Variants in SEPTIN9 observed in about 807,000 individuals in gnomAD.
SEPTIN9 encodes the protein septin-9.
SEPTIN9 carries 13 observed loss-of-function variants against 56.6 expected under a neutral mutation model. The ratio of observed to expected loss-of-function variants is 0.23; its 90% CI spans 0.15 to 0.37. The LOEUF is 0.37. SEPTIN9 is among the 10% of genes least tolerant of loss of function. The pLI is 1.00. For synonymous variants in SEPTIN9, 332 were observed against 334.1 expected (o/e 0.99, Z 0.07); for missense variants, 650 against 823.1 (o/e 0.79, Z 2.57).
rs185069397 is a variant in SEPTIN9, at chr17:77,325,544, T to C, written c.76+18347T>C. 2.4e-3 allele frequency among the ~76,000 whole-genome samples: 358 copies of C among 152,212 alleles called. 1 individual carries two copies. The highest frequency in any genetic ancestry group is 4.4e-3 in the Non-Finnish European group (298 of 67,994). On this transcript the variant is annotated intron_variant, in intron 2 of 11. Coordinates refer to ENST00000427177, the MANE Select transcript of SEPTIN9 (RefSeq NM_001113491.2). ...GAAAGCCTGGGCCGTCTTTCTAGGC[T>C]GATGGCAGGGCCAGCCCGGGGCGTC...
intron 2 of SEPTIN9, 61 bp from the exon 3 acceptor site, chr17:77,401,998 C>T: frequency 1.9e-6 from 3 of 1,546,174 alleles, no homozygotes; most frequent in East Asian, 2.3e-5. Context: ...TAGCAGGAAA[C>T]ATGCCGGAGT....
At chr17:77,365,316 C>T (rs1180761454) in intron 2 of SEPTIN9, among the ~76,000 whole-genome samples, 1 of 152,048 alleles carries the variant, frequency 6.6e-6, no homozygotes, top group Non-Finnish European at 1.5e-5. Context: ...ACCTCTTTCT[C>T]TCTCTTTCTC....
intron 3 of SEPTIN9, among the ~76,000 whole-genome samples, chr17:77,409,658 C>T (rs1481663063): frequency 6.6e-6 from 1 of 152,164 alleles, no homozygotes; most frequent in African/African-American, 2.4e-5. Flanking sequence ...CAGCACTTGT[C>T]CCAGGAAGTC....
At chr17:77,404,929 A>G (rs894945651) in intron 3 of SEPTIN9, 1 of 664,042 alleles carries the variant, frequency 1.5e-6, no homozygotes, top group East Asian at 2.8e-5. Context: ...GGCAGTTTGC[A>G]GAGTGGCAGG....
intron 3 of SEPTIN9, among the ~76,000 whole-genome samples, chr17:77,461,616 C>T (rs952435651): frequency 1.3e-5 from 2 of 152,234 alleles, no homozygotes; most frequent in African/African-American, 2.4e-5. Flanking sequence ...CATACTGTGA[C>T]GTTGACCTTT....
chr17:77,475,176 G>A lies in SEPTIN9; in HGVS notation c.722-6968G>A. The A allele has an allele frequency of 1.5e-5, 17 of 1,152,094 alleles. No homozygotes were observed. The highest frequency in any genetic ancestry group is 1.6e-5 in the Non-Finnish European group (15 of 924,632). The allele number at this position is 1,152,094 out of a possible 1,614,324, so 71.4% of individuals were successfully genotyped here. A position where few individuals can be genotyped will look rare whatever the true frequency, so the allele number is the denominator to read the frequency against. ...GGGCTGGGGTGAGCGTGATGGATGA[G>A]GTGTCTGGCTTCACAAACCCTGTGT... On this transcript the variant is annotated intron_variant, in intron 3 of 11. Coordinates refer to ENST00000427177, the MANE Select transcript of SEPTIN9 (RefSeq NM_001113491.2). The surrounding 1 kb of genome is among the most constrained non-coding windows in gnomAD (Gnocchi z 4.6).
At chr17:77,441,246 C>T (rs12451354) in intron 3 of SEPTIN9, among the ~76,000 whole-genome samples, 4,708 of 152,260 alleles carry the variant, frequency 0.031, 120 homozygotes, top group Non-Finnish European at 0.049. Context: ...GAACCCCCAC[C>T]CCGGCCTGCT....
At chr17:77,293,071 C>T (rs1050306291) in intron 1 of SEPTIN9, among the ~76,000 whole-genome samples, 4 of 151,986 alleles carry the variant, frequency 2.6e-5, no homozygotes, top group African/African-American at 9.7e-5. Context: ...AGCTGAAGTG[C>T]AGTGGTGTGA....
chr17:77,424,587 C>T (rs756564282), intron 3 of SEPTIN9, among the ~76,000 whole-genome samples: 1 of 152,234 alleles, frequency 6.6e-6, no homozygotes, highest in Non-Finnish European at 1.5e-5. Flanking sequence ...CTCCAGGACT[C>T]TGTTCCTGTG....
Position 77,429,555 on chromosome 17 carries a change from C to A in SEPTIN9, c.721+26852C>A, listed in dbSNP as rs571562801. ...TGGTTCCTGTTTTCTGGGCTTTGAT[C>A]GAAAGGGAACAGGGGACACATCTGG... On this transcript the variant is annotated intron_variant, in intron 3 of 11. Coordinates refer to ENST00000427177, the MANE Select transcript of SEPTIN9 (RefSeq NM_001113491.2). This position sits in a 1 kb window ranked among gnomAD's most constrained non-coding sequence, Gnocchi z 5.2. 1.3e-5 allele frequency among the ~76,000 whole-genome samples: 2 copies of A among 152,106 alleles called. No homozygotes were observed. The highest frequency in any genetic ancestry group is 2.9e-5 in the Non-Finnish European group (2 of 68,028).
At chr17:77,488,399 G>A (rs1221353626) in intron 6 of SEPTIN9, 78 bp downstream of exon 6, 1 of 1,388,092 alleles carries the variant, frequency 7.2e-7, no homozygotes, top group Non-Finnish European at 1.0e-6. Context: ...AGCCCTAGAG[G>A]TTTCCCGGCC....
intron 4 of SEPTIN9, chr17:77,482,760 T>C: frequency 1.7e-6 from 1 of 577,654 alleles, no homozygotes. Flanking sequence ...CAGCTTCAGC[T>C]CTGCCCTGGA....
chr17:77,342,661 T>C (rs2033770303), intron 2 of SEPTIN9, among the ~76,000 whole-genome samples: 1 of 152,088 alleles, frequency 6.6e-6, no homozygotes, highest in African/African-American at 2.4e-5. Flanking sequence ...AGGGGTGACA[T>C]TGTGATATAA....
chr17:77,459,988 A>C (rs763884403), intron 3 of SEPTIN9, among the ~76,000 whole-genome samples: 4 of 151,986 alleles, frequency 2.6e-5, no homozygotes, highest in Non-Finnish European at 5.9e-5. Flanking sequence ...CCCAGACTCT[A>C]TAGCAATCAG....
chr17:77,432,239 G>A (rs143341689), intron 3 of SEPTIN9, among the ~76,000 whole-genome samples: 117 of 152,274 alleles, frequency 7.7e-4, no homozygotes, highest in Non-Finnish European at 1.3e-3. Context: ...ATGTCCACTC[G>A]AGACATGATG....
intron 3 of SEPTIN9, among the ~76,000 whole-genome samples, chr17:77,441,752 G>C (rs2037555559): frequency 6.6e-6 from 1 of 152,182 alleles, no homozygotes; most frequent in Non-Finnish European, 1.5e-5. Context: ...TGGTGCCTCT[G>C]TCTAGCGCAA....
At chr17:77,414,994 G>C (rs1323314525) in intron 3 of SEPTIN9, among the ~76,000 whole-genome samples, 1 of 152,166 alleles carries the variant, frequency 6.6e-6, no homozygotes, top group Non-Finnish European at 1.5e-5. Flanking sequence ...GTGCGTCCCT[G>C]AGTAATATTC....
At chr17:77,285,317 G>A (rs565194483) in intron 1 of SEPTIN9, among the ~76,000 whole-genome samples, 11 of 152,306 alleles carry the variant, frequency 7.2e-5, no homozygotes, top group African/African-American at 2.4e-4. Context: ...GGACTTACCC[G>A]AGGCCGATGA....
chr17:77,455,297 C>A (rs923602025), intron 3 of SEPTIN9, among the ~76,000 whole-genome samples: 1 of 152,198 alleles, frequency 6.6e-6, no homozygotes, highest in African/African-American at 2.4e-5. Flanking sequence ...GACCTCCGGC[C>A]TCTGCATGGC....
Sources: gnomAD v4.1 joint callset for allele counts (sites outside exome capture counted in the v4.1 genomes callset) on GRCh38, gnomAD v4.1.1 for gene constraint, Gnocchi (gnomAD v3.1) non-coding constraint, MANE v1.5 for transcripts, NCBI Gene and HGNC (gene_info 2026-07-23, HGNC 2026-07-21) for gene names.